Variants in PLXNA4 observed in about 807,000 individuals in gnomAD.
PLXNA4 encodes the protein plexin A4.
Under a neutral mutation model 191.8 loss-of-function variants are expected in PLXNA4, and 44 were observed. The observed-to-expected ratio is 0.23, with a 90% CI of 0.18 to 0.29. PLXNA4 has a LOEUF of 0.29. Among genes scored for constraint, PLXNA4 ranks in the 10% least tolerant of loss-of-function variants. The probability of loss-of-function intolerance (pLI) is 1.00; values close to 1 mark genes in which losing one functional copy is unlikely to be tolerated. For synonymous variants in PLXNA4, 1,082 were observed against 1,009.5 expected (o/e 1.07, Z -1.36); for missense variants, 1,800 against 2,488.8 (o/e 0.72, Z 5.89).
intron 9 of PLXNA4, among the ~76,000 whole-genome samples, chr7:132,220,595 C>T (rs949387501): frequency 1.3e-5 from 2 of 152,050 alleles, no homozygotes; most frequent in East Asian, 3.9e-4. Flanking sequence ...CATACAGCTC[C>T]ATATCCTTCT....
chr7:132,563,071 TCCTC>T lies in PLXNA4; in HGVS notation c.-87+13347_-87+13350del, dbSNP rs1321699225. 4.1e-5 allele frequency among the ~76,000 whole-genome samples: 4 copies of T among 97,984 alleles called. No homozygotes were observed. In the South Asian group the frequency reaches 2.3e-3, roughly 57 times the overall value. The allele number at this position is 97,984 out of a possible 152,430, so 64.3% of individuals were successfully genotyped here. A position where few individuals can be genotyped will look rare whatever the true frequency, so the allele number is the denominator to read the frequency against. On this transcript the variant is annotated intron_variant, in intron 1 of 31. Transcript: ENST00000321063. ...TTTCTCTGCCTCCTTCTCCTCCTCC[TCCTC>T]CTTCTCCTCCTCCTCTTCTTCCTCC...
intron 4 of PLXNA4, among the ~76,000 whole-genome samples, chr7:132,261,378 G>A (rs1311923552): frequency 6.6e-6 from 1 of 152,208 alleles, no homozygotes; most frequent in Non-Finnish European, 1.5e-5. Flanking sequence ...TTTCCTGCAG[G>A]GACTGAACAA....
At chr7:132,260,724 G>A (rs1174259807) in intron 4 of PLXNA4, among the ~76,000 whole-genome samples, 2 of 152,084 alleles carry the variant, frequency 1.3e-5, no homozygotes, top group Non-Finnish European at 2.9e-5. Flanking sequence ...CGGGGTTGTG[G>A]GAGTGGAGAG....
At chr7:132,241,220 G>T in intron 4 of PLXNA4, 54 bp from the exon 5 acceptor site, 1 of 1,274,774 alleles carries the variant, frequency 7.8e-7, no homozygotes, top group Non-Finnish European at 1.1e-6. Flanking sequence ...ACACCCAGCA[G>T]TGTACCAGAA....
chr7:132,453,489 C>T (rs944877077), intron 3 of PLXNA4, among the ~76,000 whole-genome samples: 1 of 152,068 alleles, frequency 6.6e-6, no homozygotes, highest in Admixed American at 6.5e-5. Context: ...GGTCTGAGAA[C>T]AGTCCCCAGA....
intron 3 of PLXNA4, among the ~76,000 whole-genome samples, chr7:132,471,961 C>T (rs1164588428): frequency 6.6e-6 from 1 of 152,174 alleles, no homozygotes; most frequent in Non-Finnish European, 1.5e-5. Context: ...AAGGGACACA[C>T]CTGCAGCACC....
At chr7:132,542,727 C>T (rs1800136808) in intron 1 of PLXNA4, among the ~76,000 whole-genome samples, 1 of 152,070 alleles carries the variant, frequency 6.6e-6, no homozygotes, top group Admixed American at 6.6e-5. Context: ...TGCCCACTGC[C>T]CTACTTCATT....
Position 132,508,553 on chromosome 7 carries a change from G to T in PLXNA4, c.141C>A (p.Pro47=), listed in dbSNP as rs750578200. Reference sequence around the variant, plus strand: ...CCACCAGGTGATTGAAACCCTCGGCGGGCTCTCCTCGGAATGTGACAAATG... The same window carrying T: ...CCACCAGGTGATTGAAACCCTCGGCTGGCTCTCCTCGGAATGTGACAAATG... ...QRSFVTFRGE[P]AEGFNHLVVD... is the part of the protein sequence containing the mutation. The change falls in exon 2 of 32, where the codon CCC becomes CCA. Residue 47 remains proline, a synonymous_variant. Transcript: ENST00000321063. The surrounding 1 kb of genome is among the most constrained non-coding windows in gnomAD (Gnocchi z 4.4). 9 of 1,614,100 alleles carry T rather than the reference G, an allele frequency of 5.6e-6. No homozygotes were observed. The highest frequency in any genetic ancestry group is 7.6e-6 in the Non-Finnish European group (9 of 1,180,014).
intron 19 of PLXNA4, 104 bp from the exon 20 acceptor site, chr7:132,180,025 A>G: frequency 2.7e-6 from 4 of 1,456,172 alleles, no homozygotes; most frequent in Non-Finnish European, 3.6e-6. Flanking sequence ...GATGACGGAA[A>G]GGAGACCAAT....
At chr7:132,261,114 C>T (rs1799625948) in intron 4 of PLXNA4, among the ~76,000 whole-genome samples, 1 of 152,210 alleles carries the variant, frequency 6.6e-6, no homozygotes, top group Admixed American at 6.5e-5. Context: ...AATACACCTA[C>T]ATTCAAATGT....
At chr7:132,288,385 T>TGAAGTGG (rs939640661) in intron 4 of PLXNA4, among the ~76,000 whole-genome samples, 17 of 152,264 alleles carry the variant, frequency 1.1e-4, no homozygotes, top group African/African-American at 4.1e-4. Context: ...TGATTGAGAA[T>TGAAGTGG]GAAGTGGGAA....
At chr7:132,469,173 T>C (rs1354128265) in intron 3 of PLXNA4, among the ~76,000 whole-genome samples, 7 of 148,658 alleles carry the variant, frequency 4.7e-5, no homozygotes, top group Non-Finnish European at 1.0e-4. Flanking sequence ...GAAAAAAGTA[T>C]TTTAGATCCA....
intron 2 of PLXNA4, among the ~76,000 whole-genome samples, chr7:132,490,423 C>CTTTTTT (rs35467841): frequency 9.0e-6 from 1 of 110,502 alleles, no homozygotes. Flanking sequence ...CCTTTTCTTC[C>CTTTTTT]TTTTTTTTTT....
intron 2 of PLXNA4, among the ~76,000 whole-genome samples, chr7:132,616,795 C>T (rs927119158): frequency 6.6e-6 from 1 of 152,116 alleles, no homozygotes; most frequent in Non-Finnish European, 1.5e-5. Flanking sequence ...GTTTACCCAC[C>T]GGCCCTTTCA....
At chr7:132,602,717 A>AGAG (rs1487913347) in intron 2 of PLXNA4, among the ~76,000 whole-genome samples, 1 of 152,184 alleles carries the variant, frequency 6.6e-6, no homozygotes, top group Non-Finnish European at 1.5e-5. Flanking sequence ...TAGCGAGGGA[A>AGAG]GAGAGTACAA....
chr7:132,390,554 T>G (rs1805363382), intron 3 of PLXNA4, among the ~76,000 whole-genome samples: 1 of 152,028 alleles, frequency 6.6e-6, no homozygotes, highest in African/African-American at 2.4e-5. Context: ...ACCCCAGAAC[T>G]TAAAGTATAA....
intron 9 of PLXNA4, among the ~76,000 whole-genome samples, chr7:132,215,266 G>T (rs1226496288): frequency 6.6e-6 from 1 of 152,218 alleles, no homozygotes; most frequent in Non-Finnish European, 1.5e-5. Context: ...AAGTGACATT[G>T]TAAAGTTGCA....
chr7:132,331,850 C>T (rs927105639), intron 3 of PLXNA4, among the ~76,000 whole-genome samples: 9 of 152,030 alleles, frequency 5.9e-5, no homozygotes, highest in Admixed American at 2.0e-4. Flanking sequence ...TCCCATCCTC[C>T]CCATCCTACA....
rs909016424 is a variant in PLXNA4 at position 132,576,168 on chromosome 7, C to T, written c.-87+254G>A. On this transcript the variant is annotated intron_variant, in intron 1 of 31. Coordinates refer to ENST00000321063, the MANE Select transcript of PLXNA4 (RefSeq NM_020911.2). The surrounding 1 kb of genome is among the most constrained non-coding windows in gnomAD (Gnocchi z 5.8). ...GGAAAGAGAAGTCTGAGTCCAGGAG[C>T]GTGAGAGGAGAACACACCCGGGAAA... 1.3e-5 allele frequency among the ~76,000 whole-genome samples: 2 copies of T among 152,196 alleles called. No homozygotes were observed.
Sources: allele counts gnomAD v4.1 joint callset (sites outside exome capture counted in the v4.1 genomes callset), GRCh38; gene constraint gnomAD v4.1.1; non-coding constraint Gnocchi (gnomAD v3.1); transcripts MANE v1.5; gene names NCBI Gene and HGNC (gene_info 2026-07-23, HGNC 2026-07-21).